The following NELL2 variants were observed in gnomAD, a reference collection of about 807,000 sequenced individuals.
NELL2 encodes the protein protein kinase C-binding protein NELL2.
A neutral mutation model predicts 109.6 loss-of-function variants in NELL2; 41 were observed. The observed-to-expected ratio is 0.37, with a 90% confidence interval of 0.29 to 0.49. NELL2 has a LOEUF of 0.49. NELL2 is among the 20% of genes least tolerant of loss of function. NELL2 has a pLI of 0.98. For synonymous variants in NELL2, 355 were observed against 344.7 expected (o/e 1.03, Z -0.33); for missense variants, 900 against 1,008.3 (o/e 0.89, Z 1.45).
At chr12:44,819,343 C>T (rs1253161559) in intron 2 of NELL2, among the ~76,000 whole-genome samples, 2 of 152,208 alleles carry the variant, frequency 1.3e-5, no homozygotes, top group Admixed American at 6.5e-5. Context: ...TAATTATTAA[C>T]TTATACAGGT....
intron 2 of NELL2, among the ~76,000 whole-genome samples, chr12:44,863,995 C>A (rs1447720814): frequency 6.6e-6 from 1 of 151,938 alleles, no homozygotes; most frequent in African/African-American, 2.4e-5. Flanking sequence ...GTTAAAATAG[C>A]CTGTTTTAAC....
At chr12:44,874,387 C>G (rs1323859106) in intron 2 of NELL2, among the ~76,000 whole-genome samples, 1 of 152,122 alleles carries the variant, frequency 6.6e-6, no homozygotes, top group Non-Finnish European at 1.5e-5. Flanking sequence ...ACACGTTTAG[C>G]TACCTTTTAG....
At chr12:44,638,248 C>A (rs1371453983) in intron 13 of NELL2, among the ~76,000 whole-genome samples, 1 of 152,066 alleles carries the variant, frequency 6.6e-6, no homozygotes, top group Non-Finnish European at 1.5e-5. Flanking sequence ...CGCACAATTC[C>A]TTTGACTTCT....
At chr12:44,819,977 T>G (rs1592597476) in intron 2 of NELL2, among the ~76,000 whole-genome samples, 1 of 152,084 alleles carries the variant, frequency 6.6e-6, no homozygotes, top group Non-Finnish European at 1.5e-5. Context: ...AAACCCAGCT[T>G]GATTTACCAT....
At chr12:44,864,901 G>T (rs1944944174) in intron 2 of NELL2, among the ~76,000 whole-genome samples, 1 of 150,576 alleles carries the variant, frequency 6.6e-6, no homozygotes, top group Admixed American at 6.6e-5. Flanking sequence ...GGGATGGCTG[G>T]GTCAAATGGT....
intron 15 of NELL2, among the ~76,000 whole-genome samples, chr12:44,583,438 C>A (rs966829562): frequency 6.6e-6 from 1 of 152,126 alleles, no homozygotes; most frequent in South Asian, 2.1e-4. Context: ...GAGCAGAGAC[C>A]TTTTCAACTA....
At chr12:44,744,646 A>G (rs1940215228) in intron 9 of NELL2, among the ~76,000 whole-genome samples, 2 of 152,234 alleles carry the variant, frequency 1.3e-5, no homozygotes, top group Non-Finnish European at 2.9e-5. Context: ...AGAAATACAA[A>G]CTACCATCAG....
chr12:44,909,468 T>C (rs1157150805), intron 1 of NELL2, among the ~76,000 whole-genome samples: 1 of 151,744 alleles, frequency 6.6e-6, no homozygotes, highest in Non-Finnish European at 1.5e-5. Flanking sequence ...TATGACATGC[T>C]CATGGACTAT....
chr12:44,703,675 G>C (rs752635258), intron 12 of NELL2, 51 bp downstream of exon 12: 3 of 1,602,280 alleles, frequency 1.9e-6, no homozygotes, highest in Non-Finnish European at 2.6e-6. Flanking sequence ...TTTGCATGCA[G>C]TAATCCTAGA....
chr12:44,621,069 G>A (rs539603231), intron 13 of NELL2, among the ~76,000 whole-genome samples: 1 of 152,194 alleles, frequency 6.6e-6, no homozygotes, highest in East Asian at 1.9e-4. Context: ...GCACATTGAT[G>A]TACCCACTGC....
At chr12:44,826,531 C>T (rs936664725) in intron 2 of NELL2, among the ~76,000 whole-genome samples, 17 of 152,156 alleles carry the variant, frequency 1.1e-4, no homozygotes, top group Admixed American at 1.1e-3. Context: ...ATTTGATTAA[C>T]ACTACTATAT....
At chr12:44,512,940 T>A (rs753396312) in intron 19 of NELL2, among the ~76,000 whole-genome samples, 4 of 152,006 alleles carry the variant, frequency 2.6e-5, no homozygotes, top group African/African-American at 9.7e-5. Context: ...TTATTGTATA[T>A]GTTCAGAAAT....
chr12:44,776,184 A>G, intron 7 of NELL2, 34 bp from the exon 8 acceptor site: 8 of 1,608,638 alleles, frequency 5.0e-6, no homozygotes, highest in Non-Finnish European at 6.8e-6. Flanking sequence ...TACATTGTTC[A>G]TCCTTCCAGC....
chr12:44,683,134 C>T (rs1317466046), intron 12 of NELL2, among the ~76,000 whole-genome samples: 1 of 152,130 alleles, frequency 6.6e-6, no homozygotes, highest in African/African-American at 2.4e-5. Context: ...AGGTCCTTCA[C>T]GTCCCTTGTA....
At chr12:44,877,022 C>T (rs1037924921), upstream of NELL2, 18 of 431,546 alleles carry the variant, frequency 4.2e-5, no homozygotes, top group Non-Finnish European at 5.4e-5. Flanking sequence ...CGCGCGCCCC[C>T]TGCCAAATAA....
chr12:44,771,230 G>C (rs1452021274), intron 9 of NELL2, among the ~76,000 whole-genome samples: 1 of 152,146 alleles, frequency 6.6e-6, no homozygotes, highest in Non-Finnish European at 1.5e-5. Flanking sequence ...AGGATGAGTG[G>C]TGAAGGCAAA....
chr12:44,690,225 A>C (rs1948857978), intron 12 of NELL2, among the ~76,000 whole-genome samples: 1 of 152,204 alleles, frequency 6.6e-6, no homozygotes, highest in Admixed American at 6.5e-5. Flanking sequence ...ACAGTGTTAG[A>C]AAACCAAATT....
chr12:44,916,531 TTTTTTTAAG>T (rs1945830185), upstream of NELL2, among the ~76,000 whole-genome samples: 1 of 152,158 alleles, frequency 6.6e-6, no homozygotes. Context: ...ACCACTGTGA[TTTTTTTAAG>T]TTTCCTTTCT....
intron 8 of NELL2, 95 bp from the exon 9 acceptor site, chr12:44,774,944 G>T: frequency 1.1e-6 from 1 of 931,686 alleles, no homozygotes; most frequent in Non-Finnish European, 1.7e-6. Context: ...AACTCTTCAT[G>T]TGAAGAGAAC....
Sources: allele counts gnomAD v4.1 joint callset (sites outside exome capture counted in the v4.1 genomes callset), GRCh38; gene constraint gnomAD v4.1.1; transcripts MANE v1.5; gene names NCBI Gene and HGNC (gene_info 2026-07-23, HGNC 2026-07-21).